The following LPP variants were observed in gnomAD, a reference collection of about 807,000 sequenced individuals.
LPP encodes the protein LIM domain containing preferred translocation partner in lipoma, also known as lipoma-preferred partner.
LPP carries 38 observed loss-of-function variants against 60.4 expected under a neutral mutation model. The observed-to-expected ratio is 0.63, with a 90% CI of 0.49 to 0.83. The LOEUF is 0.83. Ranked by LOEUF, LPP falls within the 40% of genes least tolerant of loss-of-function variation. The pLI is 0.00. For missense variants in LPP, 902 were observed against 783.6 expected, an observed-to-expected ratio of 1.15 and a Z score of -1.80; for synonymous variants, 328 against 290.8, an observed-to-expected ratio of 1.13 and a Z score of -1.30.
intron 7 of LPP, among the ~76,000 whole-genome samples, chr3:188,658,597 G>A (rs1385579411): frequency 2.0e-5 from 3 of 152,088 alleles, no homozygotes; most frequent in Non-Finnish European, 2.9e-5. Context: ...AAACAGAAAT[G>A]CATTTCTATC....
intron 1 of LPP, among the ~76,000 whole-genome samples, chr3:188,172,641 G>A (rs1418823839): frequency 5.3e-5 from 8 of 152,056 alleles, no homozygotes; most frequent in Non-Finnish European, 1.2e-4. Context: ...ATTGTACAGG[G>A]AATTTTCATA....
chr3:188,703,188 C>T (rs948212710), intron 7 of LPP, among the ~76,000 whole-genome samples: 4 of 152,202 alleles, frequency 2.6e-5, no homozygotes, highest in Admixed American at 2.6e-4. Context: ...ACTTCTACTT[C>T]TGAAGAAACG....
intron 9 of LPP, among the ~76,000 whole-genome samples, chr3:188,790,349 C>T (rs1577570562): frequency 6.6e-6 from 1 of 150,520 alleles, no homozygotes; most frequent in African/African-American, 2.4e-5. Context: ...GTGGTGTGTG[C>T]GTGTGTGTGT....
chr3:188,528,956 A>G (rs933418316), intron 6 of LPP, among the ~76,000 whole-genome samples: 5 of 152,252 alleles, frequency 3.3e-5, no homozygotes, highest in African/African-American at 1.2e-4. Flanking sequence ...TGTAATAGCC[A>G]TTAAGTAGAA....
intron 8 of LPP, among the ~76,000 whole-genome samples, chr3:188,721,193 T>A (rs1716222622): frequency 6.6e-6 from 1 of 152,196 alleles, no homozygotes; most frequent in African/African-American, 2.4e-5. Flanking sequence ...AATTTGATTC[T>A]GTGGGTTGAA....
chr3:188,174,126 T>C (rs887411675), intron 1 of LPP, among the ~76,000 whole-genome samples: 1 of 152,186 alleles, frequency 6.6e-6, no homozygotes, highest in African/African-American at 2.4e-5. Context: ...AATTCTCCCC[T>C]TAGAACTTAT....
chr3:188,450,923 C>T (rs1344841585), intron 4 of LPP, among the ~76,000 whole-genome samples: 1 of 152,014 alleles, frequency 6.6e-6, no homozygotes, highest in Non-Finnish European at 1.5e-5. Flanking sequence ...AATGTACTGT[C>T]GTGAGCATTT....
At chr3:188,417,946 T>C (rs1786766212) in intron 4 of LPP, among the ~76,000 whole-genome samples, 1 of 152,166 alleles carries the variant, frequency 6.6e-6, no homozygotes, top group Admixed American at 6.6e-5. Context: ...TGTTCACACG[T>C]TGGGGTAATC....
intron 3 of LPP, among the ~76,000 whole-genome samples, chr3:188,377,964 A>AG (rs1775680276): frequency 6.6e-6 from 1 of 152,174 alleles, no homozygotes; most frequent in Non-Finnish European, 1.5e-5. Flanking sequence ...AGTTTGCTAG[A>AG]GGTACACTCC....
At chr3:188,535,688 T>G (rs367909151) in intron 6 of LPP, among the ~76,000 whole-genome samples, 1 of 152,240 alleles carries the variant, frequency 6.6e-6, no homozygotes. Flanking sequence ...TACTCTTATA[T>G]TGCCTTATAT....
At chr3:188,750,396 C>T (rs1008889919) in intron 8 of LPP, among the ~76,000 whole-genome samples, 10 of 152,060 alleles carry the variant, frequency 6.6e-5, no homozygotes, top group African/African-American at 1.9e-4. Context: ...TTTGGGAGGC[C>T]GAGATGGGTG....
chr3:188,593,073 T>C (rs1839242828), intron 6 of LPP, among the ~76,000 whole-genome samples: 1 of 152,162 alleles, frequency 6.6e-6, no homozygotes, highest in Non-Finnish European at 1.5e-5. Context: ...CTGATTCATT[T>C]ATTTATTTGC....
intron 4 of LPP, among the ~76,000 whole-genome samples, chr3:188,452,079 C>A (rs1796724095): frequency 6.6e-6 from 1 of 152,146 alleles, no homozygotes; most frequent in Admixed American, 6.5e-5. Flanking sequence ...GTTTCAGATT[C>A]TTTTAACCTT....
chr3:188,436,909 G>A (rs1189964633), intron 4 of LPP, among the ~76,000 whole-genome samples: 4 of 152,144 alleles, frequency 2.6e-5, no homozygotes, highest in East Asian at 3.9e-4. Flanking sequence ...GGAGACAGGC[G>A]ACTTCGATGG....
chr3:188,760,173 A>C lies in LPP; in HGVS notation c.1301A>C (p.Asp434Ala), dbSNP rs766566520. The part of the protein sequence containing the change: ...VGEGTGCTAM[D>A]QVFHVDCFTC... The stretch of plus-strand genomic sequence containing the variant: ...GAAGGTACAGGATGCACTGCCATGG[A>C]TCAGGTCTTCCACGTGGATTGTTTT... Residue 434 changes from aspartate to alanine, a missense_variant, in exon 9 of 12, where the codon GAT becomes GCT. Physicochemically the swap from Asp to Ala is moderately radical, Grantham distance 126 (BLOSUM62 -2). Transcript: ENST00000617246. 4.3e-6 allele frequency: 7 copies of C among 1,614,080 alleles called. No homozygotes were observed. In the South Asian group the frequency reaches 7.7e-5, roughly 18 times the overall value.
chr3:188,870,743 C>G (rs1019980424), intron 10 of LPP, among the ~76,000 whole-genome samples: 1 of 152,162 alleles, frequency 6.6e-6, no homozygotes, highest in Non-Finnish European at 1.5e-5. Context: ...GAGCCCTCCT[C>G]GAATTGCTAT....
chr3:188,599,598 C>A (rs1206802196), intron 6 of LPP, among the ~76,000 whole-genome samples: 1 of 152,098 alleles, frequency 6.6e-6, no homozygotes, highest in East Asian at 1.9e-4. Flanking sequence ...CCAGACTATA[C>A]TGTTTTAACT....
At position 188,882,718 on chromosome 3, in the gene LPP, C is replaced by G. The variant is rs2152087065; in HGVS notation, c.*8239C>G. 2 of 202,242 alleles carry G rather than the reference C, an allele frequency of 9.9e-6. No homozygotes were observed. Among genetic ancestry groups the G allele is most frequent in the Non-Finnish European group, 1.0e-5 (1 of 98,552 alleles). The allele number at this position is 202,242 out of a possible 1,614,324, so 12.5% of individuals were successfully genotyped here. On this transcript the variant is annotated 3_prime_UTR_variant, in exon 12 of 12. Coordinates refer to ENST00000617246, the MANE Select transcript of LPP (RefSeq NM_001375462.1). ...TCTACTTGGTATTAAAATTCCCTTA[C>G]AGATTCATTGCTAAGTGCCAATTCT...
At chr3:188,440,661 C>T (rs1227388372) in intron 4 of LPP, among the ~76,000 whole-genome samples, 1 of 152,106 alleles carries the variant, frequency 6.6e-6, no homozygotes, top group Non-Finnish European at 1.5e-5. Context: ...AAGATTTTTC[C>T]TGAAACTTAC....
Sources: allele counts gnomAD v4.1 joint callset (sites outside exome capture counted in the v4.1 genomes callset), GRCh38; gene constraint gnomAD v4.1.1; transcripts MANE v1.5; gene names NCBI Gene and HGNC (gene_info 2026-07-23, HGNC 2026-07-21).